MUC17: variants seen among roughly 807,000 people sequenced by gnomAD.
MUC17 encodes the protein mucin-17.
A neutral mutation model predicts 170.3 loss-of-function variants in MUC17; 190 were observed. The observed-to-expected ratio is 1.12, with a 90% confidence interval of 0.99 to 1.26. The LOEUF is 1.26. Among genes scored for constraint, MUC17 ranks in the 50% most tolerant of loss-of-function variants. MUC17 has a pLI of 0.00. For synonymous variants in MUC17, 2,325 were observed against 2,002.5 expected (o/e 1.16, Z -4.30); for missense variants, 6,415 against 5,530.0 (o/e 1.16, Z -5.08).
chr7:101,024,270 C>T lies in MUC17; in HGVS notation c.82+4053C>T, dbSNP rs575853218. ...GAAAAATTATCTGGGCATGGTGTGA[C>T]AAGCCTGTAATCTCAGCCCCTCAGG... On this transcript the variant is annotated intron_variant, in intron 1 of 12. Transcript: ENST00000306151. Among the ~76,000 whole-genome samples, 4 of 151,986 alleles carry T rather than the reference C, an allele frequency of 2.6e-5. No homozygotes were observed. The South Asian group carries it at 8.3e-4, about 32-fold the overall frequency.
chr7:101,042,374 G>C lies in MUC17; in HGVS notation c.10958G>C (p.Gly3653Ala), dbSNP rs770098145. 1 of 1,614,000 alleles carries C rather than the reference G, an allele frequency of 6.2e-7. No homozygotes were observed. Among genetic ancestry groups the C allele is most frequent in the Non-Finnish European group, 8.5e-7 (1 of 1,179,918 alleles). The change falls in exon 3 of 13, where the codon GGC (glycine) becomes GCC (alanine). Residue 3653 changes from glycine to alanine, a missense_variant. Coordinates refer to ENST00000306151, the MANE Select transcript of MUC17 (RefSeq NM_001040105.2). ...ACATCGGTGACCATTTCTGAGGCTGGCACAGCTTCAACACTTCCTGTTGAC... is the reference window on the plus strand; with the variant it reads ...ACATCGGTGACCATTTCTGAGGCTGCCACAGCTTCAACACTTCCTGTTGAC... The part of the protein sequence containing the change: ...STTSVTISEA[G>A]TASTLPVDTS...
chr7:101,025,189 A>G (rs1239543927), intron 1 of MUC17, among the ~76,000 whole-genome samples: 1 of 150,758 alleles, frequency 6.6e-6, no homozygotes, highest in East Asian at 1.9e-4. Context: ...ACACAGGGAG[A>G]CTTTCATCTC....
Position 101,051,822 on chromosome 7 carries a change from C to T in MUC17, c.12963C>T (p.Ala4321=). ...YDPEEDCRKM[A]KEYGDYFVVE... ...CACCAGAGGACTGCCGGAAGATGGC[C>T]AAGGAATATGGAGACTACTTCGTAG... Residue 4321 remains alanine, a synonymous_variant, in exon 9 of 13, where the codon GCC becomes GCT. Transcript: ENST00000306151. 6.2e-7 allele frequency: 1 copy of T among 1,613,914 alleles called. No individual in the cohort carries two copies. The highest frequency in any genetic ancestry group is 8.5e-7 in the Non-Finnish European group (1 of 1,179,834).
chr7:101,050,168 T>G (rs1189346142), intron 6 of MUC17, among the ~76,000 whole-genome samples: 1 of 152,148 alleles, frequency 6.6e-6, no homozygotes, highest in African/African-American at 2.4e-5. Context: ...TGGCCTCTTC[T>G]GTGGTTCCCA....
Position 101,040,920 on chromosome 7 carries a change from T to C in MUC17, c.9504T>C (p.Tyr3168=), listed in dbSNP as rs750858598. ...TPSEGSTPLT[Y]MPVSTMLVVS... is the part of the protein sequence containing the mutation. ...GTGAAGGAAGTACTCCATTAACATA[T>C]ATGCCTGTCAGCACCATGCTGGTAG... Residue 3168 remains tyrosine, a synonymous_variant, in exon 3 of 13, where the codon TAT becomes TAC. Coordinates refer to ENST00000306151, the MANE Select transcript of MUC17 (RefSeq NM_001040105.2). 1.2e-6 allele frequency: 2 copies of C among 1,613,162 alleles called. No homozygotes were observed. The highest frequency in any genetic ancestry group is 2.2e-5 in the South Asian group (2 of 91,018).
Position 101,037,661 on chromosome 7 carries a change from G to A in MUC17, c.6245G>A (p.Ser2082Asn), listed in dbSNP as rs761376259. Residue 2082 changes from serine to asparagine, a missense_variant, in exon 3 of 13, where the codon AGT becomes AAT. Coordinates refer to ENST00000306151, the MANE Select transcript of MUC17 (RefSeq NM_001040105.2). ...KTQVTNSTEA[S>N]SSATAEGSSM... is the part of the protein sequence containing the mutation. ...CAGGTGACCAATTCTACTGAAGCCA[G>A]TTCATCTGCAACCGCTGAAGGTAGC... 3.1e-6 allele frequency: 5 copies of A among 1,613,386 alleles called. No homozygotes were observed. The highest frequency in any genetic ancestry group is 1.1e-5 in the South Asian group (1 of 91,038).
Position 101,036,232 on chromosome 7 carries a change from G to T in MUC17, c.4816G>T (p.Ala1606Ser). 1.9e-6 allele frequency: 3 copies of T among 1,613,302 alleles called. No individual in the cohort carries two copies. The highest frequency in any genetic ancestry group is 2.5e-6 in the Non-Finnish European group (3 of 1,179,836). Residue 1606 changes from alanine to serine, a missense_variant, in exon 3 of 13, where the codon GCT becomes TCT. Transcript: ENST00000306151. ...TPIDSKTQVT[A>S]STEASSSTTA... ...TATTGACTCCAAAACTCAGGTGACC[G>T]CTTCTACTGAAGCCAGTTCATCTAC...
At chr7:101,031,298 G>C in intron 2 of MUC17, 77 bp downstream of exon 2, 1 of 1,529,022 alleles carries the variant, frequency 6.5e-7, no homozygotes, top group Non-Finnish European at 8.8e-7. Flanking sequence ...CTGCCAGGCT[G>C]GTGAAGCTGC....
chr7:101,052,659 G>A (rs965938599), intron 9 of MUC17, among the ~76,000 whole-genome samples: 19 of 152,126 alleles, frequency 1.2e-4, no homozygotes, highest in African/African-American at 4.1e-4. Flanking sequence ...GGAGGTTAAT[G>A]GGTGGATGCA....
chr7:101,049,439 T>A, intron 6 of MUC17, 57 bp downstream of exon 6: 1 of 1,574,532 alleles, frequency 6.4e-7, no homozygotes, highest in Non-Finnish European at 8.6e-7. Flanking sequence ...TGGTCATAGT[T>A]ATAAAGGCAA....
In MUC17 at chr7:101,031,849, A is replaced by G. The variant is rs1255546562; in HGVS notation, c.433A>G (p.Thr145Ala). The G allele has an allele frequency of 6.2e-7, 1 of 1,614,232 alleles. No individual in the cohort carries two copies. Among genetic ancestry groups the G allele is most frequent in the Admixed American group, 1.7e-5 (1 of 60,028 alleles). Residue 145 changes from threonine to alanine, a missense_variant, in exon 3 of 13, where the codon ACC (threonine) becomes GCC (alanine). Thr to Ala is a moderately conservative substitution (Grantham distance 58). Transcript: ENST00000306151. ...TTCATCTCCTACAACTCCTGAAGGC[A>G]CCGACGTGCCCATGTCAACACCAAG... ...DTSSPTTPEG[T>A]DVPMSTPSEE...
chr7:101,038,378 C>A lies in MUC17; in HGVS notation c.6962C>A (p.Pro2321His), dbSNP rs1794563570. 6.2e-7 allele frequency: 1 copy of A among 1,613,900 alleles called. No individual in the cohort carries two copies. The highest frequency in any genetic ancestry group is 8.5e-7 in the Non-Finnish European group (1 of 1,179,946). The change falls in exon 3 of 13, where the codon CCC becomes CAC. Residue 2321 changes from proline (P) to histidine (H), a missense_variant. Transcript: ENST00000306151. The stretch of plus-strand genomic sequence containing the variant: ...TCTACTGAAGCCAGTTCACCTCCTC[C>A]CACTGCTGAAGGTACCAGCATGCCA... ...TTSTEASSPP[P>H]TAEGTSMPTS...
rs563596506 is a variant in MUC17 at position 101,034,027 on chromosome 7, C to T, written c.2611C>T (p.Pro871Ser). 213 of 1,601,268 alleles carry T rather than the reference C, an allele frequency of 1.3e-4. No individual in the cohort carries two copies. In the South Asian group the frequency reaches 2.2e-3, roughly 16 times the overall value. The change falls in exon 3 of 13, where the codon CCT (proline) becomes TCT (serine). Residue 871 changes from proline to serine, a missense_variant. By Grantham distance (74) the Pro-to-Ser change is moderately conservative. Transcript: ENST00000306151. ...AGGAAGAACTCCTTTAACAAGTATG[C>T]CTGTCAGCACCACACTGGTGGCCAC... ...SEGRTPLTSM[P>S]VSTTLVATSA...
At position 101,043,447 on chromosome 7, in the gene MUC17, C is replaced by T; in HGVS notation, c.12031C>T (p.Pro4011Ser). The change falls in exon 3 of 13, where the codon CCC becomes TCC. Residue 4011 changes from proline (P) to serine (S), a missense_variant. Transcript: ENST00000306151. ...CACATATGTGACCATGTCTACTGCC[C>T]CCAGCACACCCAGAACAACCAGCAG... Reference protein sequence around the residue: ...PLTYVTMSTAPSTPRTTSRGC... With the variant: ...PLTYVTMSTASSTPRTTSRGC... 6.2e-7 allele frequency: 1 copy of T among 1,614,148 alleles called. No individual in the cohort carries two copies. The highest frequency in any genetic ancestry group is 1.7e-5 in the Admixed American group (1 of 60,008).
rs1584871584 is a variant in MUC17, at chr7:101,042,198, C to T, written c.10782C>T (p.Ser3594=). 1 of 1,614,232 alleles carries T rather than the reference C, an allele frequency of 6.2e-7. No individual in the cohort carries two copies. The highest frequency in any genetic ancestry group is 8.5e-7 in the Non-Finnish European group (1 of 1,180,026). The change falls in exon 3 of 13, where the codon AGC becomes AGT. Residue 3594 remains serine, a synonymous_variant. Coordinates refer to ENST00000306151, the MANE Select transcript of MUC17 (RefSeq NM_001040105.2). ...SSTYVTSSEA[S]TPSTPSVDRS... ...CATATGTGACCAGTTCTGAGGCTAG[C>T]ACACCTTCCACTCCTTCTGTTGACA...
Position 101,042,022 on chromosome 7 carries a change from A to G in MUC17, c.10606A>G (p.Thr3536Ala). The G allele has an allele frequency of 6.2e-7, 1 of 1,613,970 alleles. No individual in the cohort carries two copies. The highest frequency in any genetic ancestry group is 1.3e-5 in the African/African-American group (1 of 74,978). The change falls in exon 3 of 13, where the codon ACC (threonine) becomes GCC (alanine). Residue 3536 changes from threonine to alanine, a missense_variant. Physicochemically the swap from Thr to Ala is moderately conservative, Grantham distance 58. Transcript: ENST00000306151. ...ACCGGTGGCCAGTTCTGAGGCTAGC[A>G]CCCTTTCAACAACTCCTGTTGACTC... is the stretch of plus-strand genomic sequence containing the variant. ...TTPVASSEAS[T>A]LSTTPVDSNT...
Position 101,048,780 on chromosome 7 carries a change from C to T in MUC17, c.12536-65C>T, listed in dbSNP as rs1794885052. The T allele has an allele frequency of 6.9e-6, 11 of 1,592,394 alleles. No homozygotes were observed. The South Asian group carries it at 1.2e-4, about 18-fold the overall frequency. Reference sequence around the variant, plus strand: ...ATGGAGCTCACTCCCTCCACCCAGGCTGGGGGCAGATCTTCTGAGTAGGAA... The same window carrying T: ...ATGGAGCTCACTCCCTCCACCCAGGTTGGGGGCAGATCTTCTGAGTAGGAA... On this transcript the variant is annotated intron_variant, in intron 4 of 12. Coordinates refer to ENST00000306151, the MANE Select transcript of MUC17 (RefSeq NM_001040105.2).
At position 101,042,405 on chromosome 7, in the gene MUC17, C is replaced by A. The variant is rs775812653; in HGVS notation, c.10989C>A (p.Ser3663Arg). The change falls in exon 3 of 13, where the codon AGC (serine) becomes AGA (arginine). Residue 3663 changes from serine to arginine, a missense_variant. Transcript: ENST00000306151. ...GTASTLPVDT[S>R]TPVITSTQVS... ...CTTCAACACTTCCTGTTGACACCAG[C>A]ACACCTGTGATCACTTCTACCCAAG... 1 of 1,614,108 alleles carries A rather than the reference C, an allele frequency of 6.2e-7. No homozygotes were observed. The highest frequency in any genetic ancestry group is 2.2e-5 in the East Asian group (1 of 44,874).
rs147613804 is a variant in MUC17 at position 101,056,244 on chromosome 7, T to C, written c.13414T>C (p.Leu4472=). The C allele has an allele frequency of 6.2e-3, 10,034 of 1,613,950 alleles. 39 individuals carry two copies. The highest frequency in any genetic ancestry group is 0.011 in the Middle Eastern group (65 of 6,058). ...ESIYSNFQPS[L]RHIDPETKIR... is the part of the protein sequence containing the mutation. Reference sequence around the variant, plus strand: ...CATCTATAGTAATTTCCAGCCCTCCTTGAGACACATAGACCCTGAAACAAA... The same window carrying C: ...CATCTATAGTAATTTCCAGCCCTCCCTGAGACACATAGACCCTGAAACAAA... Residue 4472 remains leucine, a synonymous_variant, in exon 12 of 13, where the codon TTG becomes CTG. Transcript: ENST00000306151.
Sources: gnomAD v4.1 joint callset for allele counts (sites outside exome capture counted in the v4.1 genomes callset) on GRCh38, gnomAD v4.1.1 for gene constraint, MANE v1.5 for transcripts, NCBI Gene and HGNC (gene_info 2026-07-23, HGNC 2026-07-21) for gene names.